The following LTBP1 variants were observed in gnomAD, a reference collection of about 807,000 sequenced individuals.
The protein encoded by LTBP1 is latent transforming growth factor beta binding protein 1.
A neutral mutation model predicts 207.6 loss-of-function variants in LTBP1; 129 were observed. The ratio of observed to expected loss-of-function variants is 0.62; its 90% CI spans 0.54 to 0.72. The LOEUF (loss-of-function observed/expected upper bound fraction) is 0.72, where lower values mean the gene tolerates loss of function less well. Ranked by LOEUF, LTBP1 falls within the 30% of genes least tolerant of loss-of-function variation. LTBP1 has a pLI of 0.00. For synonymous variants in LTBP1, 963 were observed against 833.7 expected, an observed-to-expected ratio of 1.16 and a Z score of -2.67; for missense variants, 2,281 against 2,217.2, an observed-to-expected ratio of 1.03 and a Z score of -0.58.
chr2:33,172,070 C>T (rs966825407), intron 5 of LTBP1, among the ~76,000 whole-genome samples: 33 of 152,180 alleles, frequency 2.2e-4, no homozygotes, highest in African/African-American at 7.5e-4. Flanking sequence ...ATTGTAAAGA[C>T]CATCGAGGCT....
At position 33,358,605 on chromosome 2, in the gene LTBP1, G is replaced by GA. The variant is rs1394367174; in HGVS notation, c.4001-1985dup. On this transcript the variant is annotated intron_variant, in intron 26 of 33. Coordinates refer to ENST00000404816, the MANE Select transcript of LTBP1 (RefSeq NM_206943.4). ...CATACTTACAACTTTGTACATGAGGGAAAAAAATCTGAGGCTTCTTTTAGC... is the reference window on the plus strand; with the variant it reads ...CATACTTACAACTTTGTACATGAGGGAAAAAAAATCTGAGGCTTCTTTTAGC... Among the ~76,000 whole-genome samples, 3 of 151,952 alleles carry GA rather than the reference G, an allele frequency of 2.0e-5. No homozygotes were observed. The East Asian group carries it at 5.8e-4, about 29-fold the overall frequency.
chr2:33,191,013 T>C (rs1177251314), intron 7 of LTBP1, among the ~76,000 whole-genome samples: 1 of 152,200 alleles, frequency 6.6e-6, no homozygotes, highest in Non-Finnish European at 1.5e-5. Context: ...AGCTTTGCAC[T>C]GAACTAGTCT....
At chr2:32,954,254 A>T (rs575913954) in intron 2 of LTBP1, among the ~76,000 whole-genome samples, 2 of 152,114 alleles carry the variant, frequency 1.3e-5, no homozygotes, top group South Asian at 4.2e-4. Flanking sequence ...TCACATCATG[A>T]TTTTCCAAGC....
At chr2:33,373,098 G>A (rs558587272) in intron 31 of LTBP1, among the ~76,000 whole-genome samples, 1 of 152,246 alleles carries the variant, frequency 6.6e-6, no homozygotes, top group South Asian at 2.1e-4. Context: ...GTAAGTAAAC[G>A]GAACAAAGAC....
rs1249501062 is a variant in LTBP1, at chr2:33,049,061, A to T, written c.863+27855A>T. On this transcript the variant is annotated intron_variant, in intron 3 of 33. Transcript: ENST00000404816. ...AACAATGAATAAGAAAGTAACCTTTAAAAAAATCTGGTGATCTGGTGCTAC... is the reference window on the plus strand; with the variant it reads ...AACAATGAATAAGAAAGTAACCTTTTAAAAAATCTGGTGATCTGGTGCTAC... Among the ~76,000 whole-genome samples, 3 of 152,232 alleles carry T rather than the reference A, an allele frequency of 2.0e-5. 1 individual carries two copies. Among genetic ancestry groups the T allele is most frequent in the Non-Finnish European group, 4.4e-5 (3 of 68,034 alleles).
At chr2:33,040,786 G>T (rs1337094920) in intron 3 of LTBP1, among the ~76,000 whole-genome samples, 1 of 152,202 alleles carries the variant, frequency 6.6e-6, no homozygotes, top group Non-Finnish European at 1.5e-5. Context: ...CGGCTGCAGT[G>T]CAGGGTCACT....
chr2:33,193,069 G>T (rs995706045), intron 7 of LTBP1, among the ~76,000 whole-genome samples: 1 of 152,166 alleles, frequency 6.6e-6, no homozygotes. Context: ...GTCATTAGAT[G>T]ATATTTTGGA....
At chr2:33,156,228 G>A (rs145191528) in intron 5 of LTBP1, among the ~76,000 whole-genome samples, 1 of 152,328 alleles carries the variant, frequency 6.6e-6, no homozygotes, top group Non-Finnish European at 1.5e-5. Context: ...GCTAGGTTTT[G>A]AACCCAGATC....
At chr2:33,309,360 A>T (rs889086050) in intron 22 of LTBP1, 74 bp from the exon 23 acceptor site, 2 of 1,001,010 alleles carry the variant, frequency 2.0e-6, no homozygotes, top group South Asian at 1.6e-5. Flanking sequence ...GTGTACCTTT[A>T]CATGTAAGAG....
intron 24 of LTBP1, among the ~76,000 whole-genome samples, chr2:33,323,869 A>G (rs978860341): frequency 1.3e-5 from 2 of 152,232 alleles, no homozygotes; most frequent in Non-Finnish European, 2.9e-5. Flanking sequence ...CACACCCTGC[A>G]TAACTACTGG....
At chr2:33,028,756 A>T (rs1450591074) in intron 3 of LTBP1, among the ~76,000 whole-genome samples, 3 of 152,092 alleles carry the variant, frequency 2.0e-5, no homozygotes, top group Non-Finnish European at 4.4e-5. Flanking sequence ...CATTGATCAG[A>T]CCATATTTAA....
chr2:33,165,497 G>C (rs1327507829), intron 5 of LTBP1, among the ~76,000 whole-genome samples: 1 of 152,152 alleles, frequency 6.6e-6, no homozygotes, highest in African/African-American at 2.4e-5. Context: ...TATATATCAG[G>C]CCTTTCATTT....
chr2:33,248,462 C>T (rs2092577977), intron 10 of LTBP1, among the ~76,000 whole-genome samples: 2 of 152,124 alleles, frequency 1.3e-5, no homozygotes, highest in Non-Finnish European at 2.9e-5. Flanking sequence ...TCTGAAATGC[C>T]AGGAGGAGTA....
At position 33,134,051 on chromosome 2, in the gene LTBP1, A is replaced by G. The variant is rs1572787469; in HGVS notation, c.1034-742A>G. On this transcript the variant is annotated intron_variant, in intron 4 of 33. Coordinates refer to ENST00000404816, the MANE Select transcript of LTBP1 (RefSeq NM_206943.4). This position sits in a 1 kb window ranked among gnomAD's most constrained non-coding sequence, Gnocchi z 4.4. ...CTCCAGGTGGTCTATGAATAGAGAC[A>G]GTGAGAGCCCAAGGGTGTTATTTTT... Among the ~76,000 whole-genome samples, 1 of 152,218 alleles carries G rather than the reference A, an allele frequency of 6.6e-6. No individual in the cohort carries two copies. Among genetic ancestry groups the G allele is most frequent in the African/African-American group, 2.4e-5 (1 of 41,456 alleles).
At chr2:33,101,995 G>A (rs750668671) in intron 3 of LTBP1, among the ~76,000 whole-genome samples, 19 of 152,134 alleles carry the variant, frequency 1.2e-4, no homozygotes, top group Non-Finnish European at 2.2e-4. Flanking sequence ...AAACATAGAA[G>A]AGAAGAGGAT....
At chr2:33,061,909 T>C (rs2077288301) in intron 3 of LTBP1, among the ~76,000 whole-genome samples, 1 of 152,170 alleles carries the variant, frequency 6.6e-6, no homozygotes, top group Non-Finnish European at 1.5e-5. Context: ...GGTTTATCAT[T>C]TTATCTTTCT....
chr2:33,020,274 T>C (rs1185007664), intron 2 of LTBP1, among the ~76,000 whole-genome samples: 2 of 152,186 alleles, frequency 1.3e-5, no homozygotes, highest in African/African-American at 4.8e-5. Flanking sequence ...CTCGAAGATC[T>C]GATAGCCTAT....
chr2:33,032,756 A>G (rs1343640109), intron 3 of LTBP1, among the ~76,000 whole-genome samples: 4 of 152,228 alleles, frequency 2.6e-5, no homozygotes, highest in Admixed American at 1.3e-4. Flanking sequence ...TAATTTAGCT[A>G]TTAAGGTCTA....
intron 26 of LTBP1, among the ~76,000 whole-genome samples, chr2:33,355,368 G>A (rs75272900): frequency 0.035 from 5,334 of 151,926 alleles, 274 homozygotes; most frequent in African/African-American, 0.11. Flanking sequence ...GATACAACAC[G>A]GCGTAGTATT....
Sources: gnomAD v4.1 joint callset for allele counts (sites outside exome capture counted in the v4.1 genomes callset) on GRCh38, gnomAD v4.1.1 for gene constraint, Gnocchi (gnomAD v3.1) non-coding constraint, MANE v1.5 for transcripts, NCBI Gene and HGNC (gene_info 2026-07-23, HGNC 2026-07-21) for gene names.